SLAMF1: variants seen among roughly 807,000 people sequenced by gnomAD.
SLAMF1 encodes signaling lymphocytic activation molecule family member 1.
Under a neutral mutation model 35.1 loss-of-function variants are expected in SLAMF1, and 18 were observed. The observed-to-expected ratio is 0.51, with a 90% confidence interval of 0.35 to 0.76. SLAMF1 has a LOEUF of 0.76. Among genes scored for constraint, SLAMF1 ranks in the 30% least tolerant of loss-of-function variants. SLAMF1 has a pLI of 0.01. For missense variants in SLAMF1, 392 were observed against 413.0 expected (o/e 0.95, Z 0.44); for synonymous variants, 168 against 157.2 (o/e 1.07, Z -0.51).
intron 3 of SLAMF1, among the ~76,000 whole-genome samples, chr1:160,624,617 G>A (rs1289715599): frequency 1.3e-5 from 2 of 152,116 alleles, no homozygotes; most frequent in African/African-American, 4.8e-5. Flanking sequence ...TGAGACACTG[G>A]GAGGAAGAAA....
intron 3 of SLAMF1, among the ~76,000 whole-genome samples, chr1:160,631,015 C>G (rs1007004562): frequency 1.3e-5 from 2 of 152,068 alleles, no homozygotes; most frequent in African/African-American, 4.8e-5. Context: ...ACATCCGTCA[C>G]ACTGTCTAAT....
intron 6 of SLAMF1, among the ~76,000 whole-genome samples, chr1:160,611,680 T>A (rs892903498): frequency 6.6e-6 from 1 of 152,222 alleles, no homozygotes; most frequent in Non-Finnish European, 1.5e-5. Context: ...GTAAACTTAG[T>A]CCCTGCTGAT....
intron 3 of SLAMF1, among the ~76,000 whole-genome samples, chr1:160,627,056 A>G (rs1659921227): frequency 6.6e-6 from 1 of 152,178 alleles, no homozygotes; most frequent in South Asian, 2.1e-4. Context: ...TACCATGCAG[A>G]CCATTTTCAG....
intron 5 of SLAMF1, among the ~76,000 whole-genome samples, chr1:160,612,818 T>C (rs1004070048): frequency 1.3e-5 from 2 of 152,178 alleles, no homozygotes; most frequent in African/African-American, 4.8e-5. Context: ...CAAGGCAGCC[T>C]CATCCATTGT....
At chr1:160,612,108 C>G (rs1659016400) in intron 6 of SLAMF1, among the ~76,000 whole-genome samples, 1 of 151,994 alleles carries the variant, frequency 6.6e-6, no homozygotes, top group Non-Finnish European at 1.5e-5. Context: ...GCAGTGGCCC[C>G]GTGTGAGCAG....
intron 1 of SLAMF1, among the ~76,000 whole-genome samples, chr1:160,645,920 G>A (rs1661018915): frequency 2.6e-5 from 4 of 151,922 alleles, no homozygotes; most frequent in Admixed American, 2.6e-4. Context: ...AAACACCCTG[G>A]GCCTCAGGAT....
At chr1:160,616,602 C>A (rs996353879) in intron 5 of SLAMF1, among the ~76,000 whole-genome samples, 2 of 152,156 alleles carry the variant, frequency 1.3e-5, no homozygotes, top group Non-Finnish European at 2.9e-5. Context: ...AAGGTATTTG[C>A]TAACATATCT....
Position 160,609,906 on chromosome 1 carries a change from A to C in SLAMF1, c.*842T>G, listed in dbSNP as rs1013686765. ...TTGTTGTTCAAGGGAATCAACAGAGAACTGGGATTTAAACATCATTTTGAG... is the reference window on the plus strand; with the variant it reads ...TTGTTGTTCAAGGGAATCAACAGAGCACTGGGATTTAAACATCATTTTGAG... On this transcript the variant is annotated 3_prime_UTR_variant, in exon 7 of 7. Transcript: ENST00000302035. The C allele has an allele frequency of 2.3e-5, 4 of 175,768 alleles. No individual in the cohort carries two copies. Among genetic ancestry groups the C allele is most frequent in the Admixed American group, 5.8e-5 (1 of 17,260 alleles). 10.9% of individuals were successfully genotyped at this position (175,768 alleles called of 1,614,324 possible).
At chr1:160,614,624 T>G (rs562227380) in intron 5 of SLAMF1, among the ~76,000 whole-genome samples, 9 of 151,402 alleles carry the variant, frequency 5.9e-5, no homozygotes, top group Non-Finnish European at 1.3e-4. Context: ...ATGCAACCTC[T>G]GCTGGTCTTC....
chr1:160,612,115 G>A (rs1570960715), intron 6 of SLAMF1, among the ~76,000 whole-genome samples: 1 of 152,110 alleles, frequency 6.6e-6, no homozygotes, highest in Admixed American at 6.5e-5. Context: ...CCCCGTGTGA[G>A]CAGGTATTGG....
intron 1 of SLAMF1, among the ~76,000 whole-genome samples, chr1:160,646,297 C>G (rs1661035877): frequency 6.6e-6 from 1 of 152,176 alleles, no homozygotes; most frequent in Non-Finnish European, 1.5e-5. Context: ...TGGACCTTCT[C>G]TTCCAAGAAA....
At chr1:160,612,466 A>G (rs752687842) in intron 6 of SLAMF1, 22 bp downstream of exon 6, 5 of 1,498,142 alleles carry the variant, frequency 3.3e-6, no homozygotes, top group Middle Eastern at 1.7e-4. Context: ...CTCTACGGAG[A>G]GTAGGCAGAG....
At chr1:160,630,024 A>T (rs527826481) in intron 3 of SLAMF1, among the ~76,000 whole-genome samples, 62 of 152,320 alleles carry the variant, frequency 4.1e-4, no homozygotes, top group Admixed American at 1.6e-3. Context: ...CACTGAGCTA[A>T]CTCAGAGGTG....
chr1:160,624,306 G>A (rs1275354239), intron 3 of SLAMF1, 121 bp from the exon 4 acceptor site: 40 of 748,402 alleles, frequency 5.3e-5, no homozygotes, highest in Middle Eastern at 2.5e-4. Context: ...CAAGGGAGAC[G>A]TTTGTTTTCA....
chr1:160,636,822 G>A (rs1460997833), intron 2 of SLAMF1, among the ~76,000 whole-genome samples: 1 of 152,126 alleles, frequency 6.6e-6, no homozygotes, highest in South Asian at 2.1e-4. Context: ...GGAGAGACTG[G>A]GTTTGATCTG....
chr1:160,609,229 A>G lies in SLAMF1; in HGVS notation c.*1519T>C, dbSNP rs992361412. On this transcript the variant is annotated 3_prime_UTR_variant, in exon 7 of 7. Coordinates refer to ENST00000302035, the MANE Select transcript of SLAMF1 (RefSeq NM_003037.5). ...TAATTTTGGCTGTGCTCCCAGCCAC[A>G]GCCTAGTCTCTTCTTTTCCTGCTCA... is the stretch of plus-strand genomic sequence containing the variant. 2.0e-5 allele frequency: 3 copies of G among 152,226 alleles called. No homozygotes were observed. The highest frequency in any genetic ancestry group is 4.4e-5 in the Non-Finnish European group (3 of 68,038). 9.4% of individuals were successfully genotyped at this position (152,226 alleles called of 1,614,324 possible).
chr1:160,638,481 T>C (rs895482281), intron 1 of SLAMF1, among the ~76,000 whole-genome samples: 1 of 152,208 alleles, frequency 6.6e-6, no homozygotes, highest in African/African-American at 2.4e-5. Flanking sequence ...GGTTTTTTTT[T>C]ACTAGGTTAT....
intron 3 of SLAMF1, among the ~76,000 whole-genome samples, chr1:160,626,805 A>C (rs1352264842): frequency 1.3e-5 from 2 of 152,134 alleles, no homozygotes; most frequent in East Asian, 3.8e-4. Context: ...CCCATCCTTC[A>C]TCATCCTCCA....
chr1:160,645,935 C>T (rs989548465), intron 1 of SLAMF1, among the ~76,000 whole-genome samples: 3 of 152,106 alleles, frequency 2.0e-5, no homozygotes, highest in Non-Finnish European at 2.9e-5. Flanking sequence ...CAGGATTTCC[C>T]CCCGTGTCCG....
Sources: allele counts gnomAD v4.1 joint callset (sites outside exome capture counted in the v4.1 genomes callset), GRCh38; gene constraint gnomAD v4.1.1; transcripts MANE v1.5; gene names NCBI Gene and HGNC (gene_info 2026-07-23, HGNC 2026-07-21).